CEP192: variants seen among roughly 807,000 people sequenced by gnomAD.
The protein encoded by CEP192 is centrosomal protein 192, also known as centrosomal protein of 192 kDa.
A neutral mutation model predicts 271.8 loss-of-function variants in CEP192; 151 were observed. The observed-to-expected ratio is 0.56, with a 90% CI of 0.49 to 0.64. The LOEUF is 0.64. Ranked by LOEUF, CEP192 falls within the 30% of genes least tolerant of loss-of-function variation. The pLI, the probability that CEP192 is intolerant of heterozygous loss-of-function variation, is 0.00. For synonymous variants in CEP192, 995 were observed against 1,076.5 expected (o/e 0.92, Z 1.48); for missense variants, 2,910 against 3,020.5 (o/e 0.96, Z 0.86).
intron 21 of CEP192, among the ~76,000 whole-genome samples, chr18:13,066,980 T>TGTGTGTGTGTGTGC (rs60308317): frequency 2.0e-5 from 3 of 151,618 alleles, no homozygotes; most frequent in African/African-American, 7.3e-5. Flanking sequence ...TGTGTGTGTG[T>TGTGTGTGTGTGTGC]GTGTGTGTGT....
chr18:13,027,071 C>T, intron 9 of CEP192, among the ~76,000 whole-genome samples: 1 of 152,074 alleles, frequency 6.6e-6, no homozygotes. Context: ...CAGTCTCAGT[C>T]TTTAAGTGAG....
chr18:13,096,018 T>C (rs2039381077), intron 35 of CEP192, among the ~76,000 whole-genome samples, 166 bp from the exon 36 acceptor site: 1 of 152,200 alleles, frequency 6.6e-6, no homozygotes, highest in East Asian at 1.9e-4. Context: ...GGATTCCTTT[T>C]TCCTCTTTGT....
At chr18:13,022,403 C>T (rs757455226) in intron 9 of CEP192, among the ~76,000 whole-genome samples, 5 of 151,588 alleles carry the variant, frequency 3.3e-5, no homozygotes, top group Non-Finnish European at 4.4e-5. Flanking sequence ...TTGTTTGAGA[C>T]GGAGTCTCTC....
chr18:12,992,212 C>T (rs917717946), intron 1 of CEP192, among the ~76,000 whole-genome samples: 1 of 152,126 alleles, frequency 6.6e-6, no homozygotes, highest in Non-Finnish European at 1.5e-5. Context: ...TTTACTGCTC[C>T]AAAATCAACT....
In CEP192 at chr18:13,001,450, T is replaced by TG. The variant is rs1304210112; in HGVS notation, c.165-6dup. ...CTTAACAATTAAAACAAATTTTTTT[T>TG]GTATAGGTATCCTGATATCCAGGCA... is the stretch of plus-strand genomic sequence containing the variant. On this transcript the variant is annotated splice_region_variant and splice_polypyrimidine_tract_variant and intron_variant, in intron 2 of 44. Coordinates refer to ENST00000506447, the MANE Select transcript of CEP192 (RefSeq NM_032142.4). 3.7e-5 allele frequency: 56 copies of TG among 1,522,826 alleles called. No homozygotes were observed. Among genetic ancestry groups the TG allele is most frequent in the Non-Finnish European group, 4.6e-5 (52 of 1,131,170 alleles). 94.3% of individuals were successfully genotyped at this position (1,522,826 alleles called of 1,614,324 possible).
chr18:13,088,949 G>A (rs944889699), intron 32 of CEP192: 10 of 428,878 alleles, frequency 2.3e-5, no homozygotes, highest in Middle Eastern at 3.6e-4. Flanking sequence ...ATAGAAATCA[G>A]CGTATTGTTT....
intron 38 of CEP192, among the ~76,000 whole-genome samples, chr18:13,102,789 T>C (rs1397186936): frequency 6.6e-6 from 1 of 152,084 alleles, no homozygotes; most frequent in African/African-American, 2.4e-5. Context: ...TGCCTTTCCT[T>C]CTCTCTGTGT....
chr18:13,120,728 C>T (rs909654678), intron 44 of CEP192, among the ~76,000 whole-genome samples: 4 of 152,086 alleles, frequency 2.6e-5, no homozygotes, highest in Non-Finnish European at 4.4e-5. Context: ...AAGTCTGCAT[C>T]GATATTAACT....
rs778478086 is a variant in CEP192, at chr18:13,089,516, A to G, written c.6054A>G (p.Gln2018=). Reference sequence around the variant, plus strand: ...TACTTCCAGAACATAGTGTGCTTCAAAACATTAATTTTGTTGAAGCATTTC... The same window carrying G: ...TACTTCCAGAACATAGTGTGCTTCAGAACATTAATTTTGTTGAAGCATTTC... The part of the protein sequence containing the change: ...KQILPEHSVL[Q]NINFVEAFQD... Residue 2018 remains glutamine, a synonymous_variant, in exon 33 of 45, where the codon CAA becomes CAG. Transcript: ENST00000506447. 10 of 1,606,996 alleles carry G rather than the reference A, an allele frequency of 6.2e-6. No homozygotes were observed. The South Asian group carries it at 1.0e-4, about 16-fold the overall frequency.
intron 20 of CEP192, 41 bp from the exon 21 acceptor site, chr18:13,059,041 G>A: frequency 7.8e-7 from 1 of 1,280,492 alleles, no homozygotes; most frequent in East Asian, 2.3e-5. Flanking sequence ...GATTTTCAGT[G>A]TGAAGCCATT....
At chr18:13,086,149 G>T (rs1219899524) in intron 30 of CEP192, among the ~76,000 whole-genome samples, 1 of 152,146 alleles carries the variant, frequency 6.6e-6, no homozygotes, top group Non-Finnish European at 1.5e-5. Context: ...TGTAGCAATT[G>T]TGAATGGGAG....
intron 40 of CEP192, among the ~76,000 whole-genome samples, chr18:13,111,614 C>T (rs922314575): frequency 1.2e-4 from 19 of 152,068 alleles, no homozygotes; most frequent in Admixed American, 5.9e-4. Context: ...AAGCACAAGC[C>T]ACAAAAGAGA....
At position 13,068,879 on chromosome 18, in the gene CEP192, C is replaced by T. The variant is rs146555462; in HGVS notation, c.4850C>T (p.Ser1617Leu). ...SDILDSAEEF[S>L]AKVDIEVDSP... is the part of the protein sequence containing the mutation. ...ATTCTGGACTCAGCAGAAGAATTCT[C>T]GGCAAAAGTTGATATCGAAGTTGAC... The change falls in exon 25 of 45, where the codon TCG becomes TTG. Residue 1617 changes from serine to leucine, a missense_variant. By Grantham distance (145) the Ser-to-Leu change is moderately radical (BLOSUM62 -2). Coordinates refer to ENST00000506447, the MANE Select transcript of CEP192 (RefSeq NM_032142.4). The T allele has an allele frequency of 3.2e-4, 510 of 1,614,162 alleles. 2 individuals carry two copies. In the African/African-American group the frequency reaches 5.9e-3, roughly 19 times the overall value.
chr18:13,029,646 G>T lies in CEP192; in HGVS notation c.1051-17G>T. On this transcript the variant is annotated splice_polypyrimidine_tract_variant and intron_variant, in intron 9 of 44. Transcript: ENST00000506447. ...TTACTGTTGCTCTGTTAAAAAATCT[G>T]ATTTTTTGTTTTAAAGGAATGTGCA... The T allele has an allele frequency of 6.9e-7, 1 of 1,442,644 alleles. No homozygotes were observed. The highest frequency in any genetic ancestry group is 1.5e-5 in the South Asian group (1 of 68,362). The allele number at this position is 1,442,644 out of a possible 1,614,324, so 89.4% of individuals were successfully genotyped here.
At chr18:13,091,738 T>C (rs1422935199) in intron 33 of CEP192, among the ~76,000 whole-genome samples, 1 of 152,146 alleles carries the variant, frequency 6.6e-6, no homozygotes, top group East Asian at 1.9e-4. Context: ...TTTATACAAA[T>C]TTGGGTGTCC....
chr18:13,123,259 T>A (rs1015987164), intron 44 of CEP192, among the ~76,000 whole-genome samples: 16 of 152,174 alleles, frequency 1.1e-4, no homozygotes, highest in African/African-American at 3.1e-4. Flanking sequence ...AGATTTTTTT[T>A]AAAAAGTACA....
At chr18:13,086,951 CT>C in intron 30 of CEP192, 65 bp from the exon 31 acceptor site, 2 of 1,137,192 alleles carry the variant, frequency 1.8e-6, no homozygotes, top group Non-Finnish European at 1.3e-6. Flanking sequence ...TTTCTTCTCA[CT>C]GTAATTCAGT....
At chr18:13,030,382 C>T (rs2035548752) in intron 10 of CEP192, 83 bp from the exon 11 acceptor site, 2 of 1,268,666 alleles carry the variant, frequency 1.6e-6, no homozygotes, top group Non-Finnish European at 2.1e-6. Context: ...AGGTAGTCAT[C>T]TGAATTTAAA....
intron 30 of CEP192, among the ~76,000 whole-genome samples, chr18:13,082,447 T>TC (rs1478859143): frequency 2.1e-5 from 3 of 144,730 alleles, no homozygotes; most frequent in Non-Finnish European, 4.5e-5. Flanking sequence ...TTTTTTTTTT[T>TC]TTTTTTTTTT....
Sources: allele counts gnomAD v4.1 joint callset (sites outside exome capture counted in the v4.1 genomes callset), GRCh38; gene constraint gnomAD v4.1.1; transcripts MANE v1.5; gene names NCBI Gene and HGNC (gene_info 2026-07-23, HGNC 2026-07-21).